FAM149B1: variants seen among roughly 807,000 people sequenced by gnomAD.
The protein encoded by FAM149B1 is family with sequence similarity 149 member B1, also known as primary cilium assembly protein FAM149B1.
FAM149B1 carries 56 observed loss-of-function variants against 75.3 expected under a neutral mutation model. That is an observed-to-expected ratio of 0.74 (90% CI 0.60 to 0.93). The LOEUF (loss-of-function observed/expected upper bound fraction) is 0.93. Among genes scored for constraint, FAM149B1 ranks in the 40% least tolerant of loss-of-function variants. FAM149B1 has a pLI of 0.00. For synonymous variants in FAM149B1, 259 were observed against 256.1 expected, an observed-to-expected ratio of 1.01 and a Z score of -0.11; for missense variants, 639 against 708.4, an observed-to-expected ratio of 0.90 and a Z score of 1.11.
chr10:73,189,326 ATAGTT>A (rs2042623493), intron 3 of FAM149B1, among the ~76,000 whole-genome samples: 1 of 152,210 alleles, frequency 6.6e-6, no homozygotes, highest in African/African-American at 2.4e-5. Context: ...ATCCTATAAA[ATAGTT>A]TAGTAATTTC....
chr10:73,208,841 C>T, intron 6 of FAM149B1, 55 bp downstream of exon 6: 1 of 1,144,012 alleles, frequency 8.7e-7, no homozygotes, highest in Non-Finnish European at 1.2e-6. Flanking sequence ...TGTATTAATA[C>T]CTATTTTTTC....
intron 3 of FAM149B1, among the ~76,000 whole-genome samples, chr10:73,179,478 A>G (rs1306037635): frequency 5.9e-5 from 9 of 151,792 alleles, no homozygotes; most frequent in South Asian, 4.2e-4. Flanking sequence ...TGCTGTGGCA[A>G]TCATAGCTCA....
intron 1 of FAM149B1, among the ~76,000 whole-genome samples, chr10:73,172,481 T>C (rs1843756677): frequency 6.6e-6 from 1 of 152,218 alleles, no homozygotes; most frequent in African/African-American, 2.4e-5. Context: ...TGTGCCTTAG[T>C]TTCCTTTGAA....
chr10:73,207,777 TAGCCCCTCTCTTTTGGAAC>T (rs1450792385), intron 5 of FAM149B1, among the ~76,000 whole-genome samples: 1 of 152,136 alleles, frequency 6.6e-6, no homozygotes, highest in Non-Finnish European at 1.5e-5. Flanking sequence ...ATGGGATCTG[TAGCCCCTCTCTTTTGGAAC>T]AGAAATGTTT....
intron 1 of FAM149B1, among the ~76,000 whole-genome samples, chr10:73,174,295 A>G (rs1202317296): frequency 6.6e-6 from 1 of 152,188 alleles, no homozygotes; most frequent in Non-Finnish European, 1.5e-5. Flanking sequence ...TGTATGAGAC[A>G]TCCGGTTTCT....
chr10:73,235,792 C>T (rs1352218694), intron 12 of FAM149B1, among the ~76,000 whole-genome samples: 4 of 152,164 alleles, frequency 2.6e-5, no homozygotes, highest in Admixed American at 1.3e-4. Flanking sequence ...CTTAGCCTCC[C>T]GAGTAGCTGG....
At chr10:73,186,217 A>C (rs1417336979) in intron 3 of FAM149B1, among the ~76,000 whole-genome samples, 2 of 152,180 alleles carry the variant, frequency 1.3e-5, no homozygotes, top group Non-Finnish European at 2.9e-5. Context: ...TAATAGAATA[A>C]AGGACAAAAA....
rs1489433594 is a variant in FAM149B1 at position 73,168,335 on chromosome 10, G to A, written c.-5G>A. On this transcript the variant is annotated 5_prime_UTR_variant, in exon 1 of 14. Transcript: ENST00000242505. ...AGGAGGAGGAGGAGGAGGAGGAGGA[G>A]GAGGATGATCTCCAGATACACTCGG... is the stretch of plus-strand genomic sequence containing the variant. The A allele has an allele frequency of 7.7e-6, 12 of 1,549,226 alleles. No individual in the cohort carries two copies. The highest frequency in any genetic ancestry group is 9.6e-6 in the Non-Finnish European group (11 of 1,146,436).
intron 2 of FAM149B1, among the ~76,000 whole-genome samples, chr10:73,177,348 G>A (rs1844013260): frequency 6.6e-6 from 1 of 152,112 alleles, no homozygotes; most frequent in Non-Finnish European, 1.5e-5. Flanking sequence ...GCTGAGGTGG[G>A]CAGATTGCCT....
chr10:73,228,104 TC>T lies in FAM149B1; in HGVS notation c.945del (p.Cys316ValfsTer3). 1.9e-6 allele frequency: 3 copies of T among 1,551,404 alleles called. No homozygotes were observed. The highest frequency in any genetic ancestry group is 2.6e-6 in the Non-Finnish European group (3 of 1,146,654). On this transcript the variant is annotated frameshift_variant, in exon 8 of 14. Coordinates refer to ENST00000242505, the MANE Select transcript of FAM149B1 (RefSeq NM_173348.2). LOFTEE classifies it high-confidence loss of function. ...AGTTACCAGACCCGATTCAGAAAGTTCCTGTGTGCTGAGTGAACTACATCCT... is the reference window on the plus strand; with the variant it reads ...AGTTACCAGACCCGATTCAGAAAGTTCTGTGTGCTGAGTGAACTACATCCT... ...VAVTRPDSES[S>X]CVLSELHPLV...
chr10:73,176,552 T>A (rs7923555), intron 2 of FAM149B1, among the ~76,000 whole-genome samples: 23,980 of 152,168 alleles, frequency 0.16, 3,158 homozygotes, highest in African/African-American at 0.34. Flanking sequence ...TCAGAACTTC[T>A]ATTAGTGTCT....
rs1466633722 is a variant in FAM149B1, at chr10:73,214,757, C to T, written c.898+4319C>T. 2.0e-5 allele frequency among the ~76,000 whole-genome samples: 3 copies of T among 152,160 alleles called. No individual in the cohort carries two copies. The East Asian group carries it at 5.8e-4, about 29-fold the overall frequency. The stretch of plus-strand genomic sequence containing the variant: ...TGTTCATCAGGGATATTGGGCTTTT[C>T]TTTTTTCATTGTGTCCTTGTCTGAT... On this transcript the variant is annotated intron_variant, in intron 7 of 13. Transcript: ENST00000242505.
chr10:73,243,612 A>T lies in FAM149B1; in HGVS notation c.*2593A>T. ...CAGGGGCTGGAAAAGTGGAATAACT[A>T]CTAATGGGTATGGAGTTTTTTTGGA... On this transcript the variant is annotated 3_prime_UTR_variant, in exon 14 of 14. Coordinates refer to ENST00000242505, the MANE Select transcript of FAM149B1 (RefSeq NM_173348.2). The T allele has an allele frequency of 6.7e-7, 1 of 1,497,558 alleles. No homozygotes were observed. The highest frequency in any genetic ancestry group is 9.1e-7 in the Non-Finnish European group (1 of 1,095,714). 92.8% of individuals were successfully genotyped at this position (1,497,558 alleles called of 1,614,324 possible).
chr10:73,226,178 TC>T (rs2043541527), intron 7 of FAM149B1, among the ~76,000 whole-genome samples: 1 of 151,266 alleles, frequency 6.6e-6, no homozygotes, highest in African/African-American at 2.4e-5. Context: ...TACAATGTGA[TC>T]CCCATGAGAA....
At chr10:73,208,991 A>G (rs542735106) in intron 6 of FAM149B1, among the ~76,000 whole-genome samples, 1 of 152,316 alleles carries the variant, frequency 6.6e-6, no homozygotes, top group South Asian at 2.1e-4. Flanking sequence ...AACTTCACAC[A>G]TCATTTGCCT....
intron 13 of FAM149B1, among the ~76,000 whole-genome samples, chr10:73,240,355 A>C (rs2043913199): frequency 2.6e-5 from 4 of 152,196 alleles, no homozygotes; most frequent in Non-Finnish European, 5.9e-5. Context: ...GTAGTCTTTG[A>C]ATGCTTTTGT....
At chr10:73,192,505 CAG>C (rs1491142029) in intron 3 of FAM149B1, 49 bp from the exon 4 acceptor site, 2 of 1,508,404 alleles carry the variant, frequency 1.3e-6, no homozygotes, top group African/African-American at 2.8e-5. Context: ...TAATTTTTAA[CAG>C]AGAGTGAATC....
intron 1 of FAM149B1, among the ~76,000 whole-genome samples, chr10:73,171,953 G>T (rs1843737033): frequency 6.6e-6 from 1 of 151,956 alleles, no homozygotes; most frequent in Admixed American, 6.6e-5. Flanking sequence ...TAACTTCTCT[G>T]CACCTCTCTG....
intron 5 of FAM149B1, among the ~76,000 whole-genome samples, chr10:73,202,629 T>TTCCC (rs947976719): frequency 1.3e-4 from 20 of 151,058 alleles, no homozygotes; most frequent in South Asian, 4.2e-4. Flanking sequence ...TCCAAACCGA[T>TTCCC]TCCCTCCCTC....
Sources: gnomAD v4.1 joint callset for allele counts (sites outside exome capture counted in the v4.1 genomes callset) on GRCh38, gnomAD v4.1.1 for gene constraint, MANE v1.5 for transcripts, NCBI Gene and HGNC (gene_info 2026-07-23, HGNC 2026-07-21) for gene names.